TMPRSS11A: variants seen among roughly 807,000 people sequenced by gnomAD.
TMPRSS11A encodes the protein transmembrane serine protease 11A, also known as transmembrane protease serine 11A.
A neutral mutation model predicts 58.9 loss-of-function variants in TMPRSS11A; 53 were observed. The observed-to-expected ratio is 0.90, with a 90% CI of 0.72 to 1.13. The LOEUF (loss-of-function observed/expected upper bound fraction) is 1.13, where lower values mean the gene tolerates loss of function less well. Ranked by LOEUF, TMPRSS11A falls within the 50% of genes most tolerant of loss-of-function variation. The pLI is 0.00. For synonymous variants in TMPRSS11A, 167 were observed against 169.8 expected (o/e 0.98, Z 0.13); for missense variants, 493 against 499.3 (o/e 0.99, Z 0.12).
intron 5 of TMPRSS11A, among the ~76,000 whole-genome samples, chr4:67,924,975 T>C (rs1245018094): frequency 3.1e-5 from 1 of 31,978 alleles, no homozygotes; most frequent in Admixed American, 3.0e-4. Context: ...ACATAAATCT[T>C]TTTTTTTTTT....
At position 67,914,729 on chromosome 4, in the gene TMPRSS11A, C is replaced by A. The variant is rs757701155; in HGVS notation, c.954G>T (p.Gly318=). ...CTTCTCGGAGATCATTTTGGGATTC[C>A]CCTTAAGGAAAAATAGAGTTATTCT... is the stretch of plus-strand genomic sequence containing the variant. ...ITGFGALYYG[G]ESQNDLREAR... is the part of the protein sequence containing the mutation. The change falls in exon 9 of 10, where the codon GGG becomes GGT. Residue 318 remains glycine (G), a splice_region_variant and synonymous_variant. Transcript: ENST00000508048. 2.5e-6 allele frequency: 4 copies of A among 1,610,712 alleles called. No homozygotes were observed. The East Asian group carries it at 6.7e-5, about 27-fold the overall frequency.
At chr4:67,954,304 A>G (rs146826712) in intron 1 of TMPRSS11A, among the ~76,000 whole-genome samples, 171 of 152,318 alleles carry the variant, frequency 1.1e-3, no homozygotes, top group Non-Finnish European at 1.8e-3. Flanking sequence ...CTTCATCCCC[A>G]TGGAGGGATA....
In TMPRSS11A at chr4:67,914,613, A is replaced by G; in HGVS notation, c.1070T>C (p.Met357Thr). Residue 357 changes from methionine to threonine, a missense_variant, in exon 9 of 10, where the codon ATG becomes ACG. By Grantham distance (81) the Met-to-Thr change is moderately conservative. Coordinates refer to ENST00000508048, the MANE Select transcript of TMPRSS11A (RefSeq NM_001114387.2). ...CCTGCAGGCATCATAAATTCCTTCC[A>G]TATATCCGGCACAGAACATTCCAGG... ...IKPGMFCAGY[M>T]EGIYDACRGD... 1.2e-6 allele frequency: 2 copies of G among 1,613,792 alleles called. No individual in the cohort carries two copies. The highest frequency in any genetic ancestry group is 1.7e-4 in the Middle Eastern group (1 of 6,056).
At chr4:67,914,557 T>C in intron 9 of TMPRSS11A, 31 bp downstream of exon 9, 1 of 1,603,192 alleles carries the variant, frequency 6.2e-7, no homozygotes, top group Non-Finnish European at 8.5e-7. Context: ...AATTTTTGAG[T>C]TAGTAATATA....
At chr4:67,961,447 C>T (rs1721415843) in intron 1 of TMPRSS11A, among the ~76,000 whole-genome samples, 1 of 150,368 alleles carries the variant, frequency 6.7e-6, no homozygotes, top group African/African-American at 2.5e-5. Context: ...CTTTCTTTTT[C>T]CTTTCTTTTC....
chr4:67,948,392 T>C (rs941546882), intron 1 of TMPRSS11A, among the ~76,000 whole-genome samples: 3 of 152,134 alleles, frequency 2.0e-5, no homozygotes, highest in Non-Finnish European at 4.4e-5. Context: ...TCTCCTGACC[T>C]GGTGATCCAC....
chr4:67,953,895 T>C (rs1721220258), intron 1 of TMPRSS11A, among the ~76,000 whole-genome samples: 2 of 152,160 alleles, frequency 1.3e-5, no homozygotes, highest in African/African-American at 2.4e-5. Flanking sequence ...CGTGGTCAGA[T>C]AGGTCAACAC....
chr4:67,920,932 G>A (rs918935769), intron 7 of TMPRSS11A, among the ~76,000 whole-genome samples: 4 of 152,030 alleles, frequency 2.6e-5, no homozygotes, highest in Admixed American at 2.0e-4. Flanking sequence ...TAGGGCTGGA[G>A]GTCATTATCC....
At chr4:67,940,326 G>A (rs190882216) in intron 3 of TMPRSS11A, among the ~76,000 whole-genome samples, 3 of 151,968 alleles carry the variant, frequency 2.0e-5, no homozygotes, top group African/African-American at 4.8e-5. Flanking sequence ...TTTCTTGTAC[G>A]TCTGGTAGAA....
chr4:67,950,546 C>T (rs1325829127), intron 1 of TMPRSS11A, among the ~76,000 whole-genome samples: 2 of 152,164 alleles, frequency 1.3e-5, no homozygotes, highest in African/African-American at 2.4e-5. Context: ...AATTTCCTCA[C>T]AGCAGCACCT....
Position 67,944,425 on chromosome 4 carries a change from G to T in TMPRSS11A, c.252+94C>A, listed in dbSNP as rs1480504809. The T allele has an allele frequency of 3.6e-6, 5 of 1,398,182 alleles. No homozygotes were observed. The Admixed American group carries it at 5.9e-5, about 17-fold the overall frequency. 86.6% of individuals were successfully genotyped at this position (1,398,182 alleles called of 1,614,324 possible). A position where few individuals can be genotyped will look rare whatever the true frequency, so the allele number is the denominator to read the frequency against. ...CTGCAAGATGATTCTAATGTTGGCG[G>T]TCTGAAAATCATGTTTTTAGAAATG... On this transcript the variant is annotated intron_variant, in intron 3 of 9. Transcript: ENST00000508048.
chr4:67,918,703 T>A (rs353166), intron 8 of TMPRSS11A, among the ~76,000 whole-genome samples: 13,938 of 152,216 alleles, frequency 0.092, 838 homozygotes, highest in African/African-American at 0.16. Context: ...CAGAGCCAGA[T>A]GACATCATAT....
intron 7 of TMPRSS11A, among the ~76,000 whole-genome samples, chr4:67,920,550 T>TATATA (rs374550125): frequency 0.079 from 4,632 of 58,380 alleles, 119 homozygotes; most frequent in Middle Eastern, 0.12. Flanking sequence ...TATATATATA[T>TATATA]TTTTTTTTAT....
At chr4:67,950,375 G>A (rs954900563) in intron 1 of TMPRSS11A, among the ~76,000 whole-genome samples, 1 of 152,234 alleles carries the variant, frequency 6.6e-6, no homozygotes, top group African/African-American at 2.4e-5. Flanking sequence ...TTCAAAGCCA[G>A]CAGTGGAGAA....
intron 3 of TMPRSS11A, among the ~76,000 whole-genome samples, chr4:67,939,077 C>T (rs1310207539): frequency 6.6e-6 from 1 of 152,080 alleles, no homozygotes; most frequent in Non-Finnish European, 1.5e-5. Context: ...TTTGTGTCAT[C>T]TCCGATTTCT....
Position 67,909,761 on chromosome 4 carries a change from G to T in TMPRSS11A, c.*1581C>A, listed in dbSNP as rs547081578. The T allele has an allele frequency of 6.6e-6, 1 of 151,940 alleles. No homozygotes were observed. The highest frequency in any genetic ancestry group is 2.4e-5 in the African/African-American group (1 of 41,374). 9.4% of individuals were successfully genotyped at this position (151,940 alleles called of 1,614,324 possible). ...CAGATCTGATGATTCAATAAAAATA[G>T]TTAAGAATTCAATAAAAATAGTTAA... On this transcript the variant is annotated 3_prime_UTR_variant, in exon 10 of 10. Transcript: ENST00000508048.
chr4:67,945,091 G>A (rs886581530), intron 2 of TMPRSS11A, among the ~76,000 whole-genome samples: 8 of 152,152 alleles, frequency 5.3e-5, no homozygotes, highest in African/African-American at 1.9e-4. Context: ...ATAAGTGAAT[G>A]TCCTTGTGAA....
intron 9 of TMPRSS11A, among the ~76,000 whole-genome samples, chr4:67,912,246 TTC>T (rs1720000173): frequency 6.6e-6 from 1 of 151,898 alleles, no homozygotes; most frequent in African/African-American, 2.4e-5. Flanking sequence ...AGCTTGTTAG[TTC>T]TTTTACTTCC....
chr4:67,930,917 T>C (rs1158021723), intron 4 of TMPRSS11A, among the ~76,000 whole-genome samples: 5 of 150,864 alleles, frequency 3.3e-5, no homozygotes, highest in Non-Finnish European at 5.9e-5. Context: ...AATTTATGTA[T>C]TTTTGTTCAT....
Sources: gnomAD v4.1 joint callset for allele counts (sites outside exome capture counted in the v4.1 genomes callset) on GRCh38, gnomAD v4.1.1 for gene constraint, MANE v1.5 for transcripts, NCBI Gene and HGNC (gene_info 2026-07-23, HGNC 2026-07-21) for gene names.